The following PDPN variants were observed in gnomAD, a reference collection of about 807,000 sequenced individuals.
PDPN encodes the protein PA2.26 antigen.
In PDPN, 12 loss-of-function variants were observed where a neutral mutation model predicts 23.2. The ratio of observed to expected loss-of-function variants is 0.52; its 90% CI spans 0.33 to 0.84. PDPN has a LOEUF of 0.84. Ranked by LOEUF, PDPN falls within the 40% of genes least tolerant of loss-of-function variation. The probability of loss-of-function intolerance (pLI) is 0.02; values close to 1 mark genes in which losing one functional copy is unlikely to be tolerated. For missense variants in PDPN, 199 were observed against 212.2 expected (o/e 0.94, Z 0.39); for synonymous variants, 77 against 76.7 (o/e 1.00, Z -0.02).
chr1:13,603,977 G>A (rs1051600409), intron 1 of PDPN, among the ~76,000 whole-genome samples: 16 of 152,200 alleles, frequency 1.1e-4, no homozygotes, highest in African/African-American at 3.1e-4. Flanking sequence ...CCACTGAGCC[G>A]TGTTTGGCTG....
At chr1:13,595,162 A>G (rs71510947) in intron 1 of PDPN, among the ~76,000 whole-genome samples, 18,928 of 152,252 alleles carry the variant, frequency 0.12, 1,575 homozygotes, top group Admixed American at 0.24. Flanking sequence ...ATGAGATTTC[A>G]GTTCTTTCCC....
chr1:13,613,824 A>G (rs529098868), intron 4 of PDPN, 99 bp downstream of exon 4: 2 of 675,320 alleles, frequency 3.0e-6, no homozygotes, highest in African/African-American at 1.8e-5. Flanking sequence ...TCTGGATTGC[A>G]GTCAATGAGA....
At position 13,615,939 on chromosome 1, in the gene PDPN, A is replaced by C; in HGVS notation, c.*28A>C. ...AGCTGAAGGGTTACGCCCTGCTGCC[A>C]ACGTGCTTAAAAAAAGACCGTTTCT... is the stretch of plus-strand genomic sequence containing the variant. On this transcript the variant is annotated 3_prime_UTR_variant, in exon 6 of 6. Transcript: ENST00000621990. The C allele has an allele frequency of 6.2e-7, 1 of 1,610,336 alleles. No homozygotes were observed. The highest frequency in any genetic ancestry group is 8.5e-7 in the Non-Finnish European group (1 of 1,176,566).
chr1:13,588,332 G>A (rs1640235551), intron 1 of PDPN, among the ~76,000 whole-genome samples: 1 of 152,034 alleles, frequency 6.6e-6, no homozygotes, highest in Non-Finnish European at 1.5e-5. Flanking sequence ...CAGGAAAGGG[G>A]CATGCTAGAA....
At chr1:13,608,773 A>G (rs1038962970) in intron 2 of PDPN, among the ~76,000 whole-genome samples, 2 of 152,198 alleles carry the variant, frequency 1.3e-5, no homozygotes, top group Non-Finnish European at 2.9e-5. Flanking sequence ...TTCTTAATGC[A>G]GTTTGTCCCT....
In PDPN at chr1:13,615,913, G is replaced by C; in HGVS notation, c.*2G>C. On this transcript the variant is annotated 3_prime_UTR_variant, in exon 6 of 6. Coordinates refer to ENST00000621990, the MANE Select transcript of PDPN (RefSeq NM_006474.5). ...CTTCTCTATTTTCACAGGCCCTAAA[G>C]AGCTGAAGGGTTACGCCCTGCTGCC... is the stretch of plus-strand genomic sequence containing the variant. 1 of 1,613,522 alleles carries C rather than the reference G, an allele frequency of 6.2e-7. No individual in the cohort carries two copies. Among genetic ancestry groups the C allele is most frequent in the African/African-American group, 1.3e-5 (1 of 75,004 alleles).
chr1:13,598,814 C>T (rs537247840), intron 1 of PDPN, among the ~76,000 whole-genome samples: 2 of 152,112 alleles, frequency 1.3e-5, no homozygotes, highest in Non-Finnish European at 2.9e-5. Context: ...CAGCTACTTA[C>T]CGAGTGCCTG....
chr1:13,590,976 C>G (rs1035852015), intron 1 of PDPN, among the ~76,000 whole-genome samples: 4 of 151,828 alleles, frequency 2.6e-5, no homozygotes, highest in East Asian at 3.9e-4. Context: ...GAGTCTCGCT[C>G]TGTTGCCCAG....
intron 2 of PDPN, among the ~76,000 whole-genome samples, chr1:13,609,174 C>A (rs1055853262): frequency 6.6e-6 from 1 of 152,164 alleles, no homozygotes; most frequent in African/African-American, 2.4e-5. Context: ...AATATTTACC[C>A]ATCTGGCCCT....
rs748322864 is a variant in PDPN at position 13,615,927 on chromosome 1, C to A, written c.*16C>A. ...CAGGCCCTAAAGAGCTGAAGGGTTA[C>A]GCCCTGCTGCCAACGTGCTTAAAAA... On this transcript the variant is annotated 3_prime_UTR_variant, in exon 6 of 6. Transcript: ENST00000621990. 37 of 1,612,208 alleles carry A rather than the reference C, an allele frequency of 2.3e-5. No individual in the cohort carries two copies. The East Asian group carries it at 7.6e-4, about 33-fold the overall frequency.
intron 1 of PDPN, among the ~76,000 whole-genome samples, chr1:13,595,011 AAG>A (rs1164288099): frequency 2.0e-5 from 3 of 150,448 alleles, no homozygotes; most frequent in African/African-American, 7.3e-5. Context: ...AAAAAAAAGA[AAG>A]AAAGAAAAAA....
chr1:13,596,194 G>A (rs147345208), intron 1 of PDPN, among the ~76,000 whole-genome samples: 4,988 of 137,178 alleles, frequency 0.036, 288 homozygotes, highest in African/African-American at 0.13. Flanking sequence ...GCAAGACTCC[G>A]TCTCAAAAAA....
At chr1:13,594,075 G>A (rs919822376) in intron 1 of PDPN, among the ~76,000 whole-genome samples, 1 of 152,190 alleles carries the variant, frequency 6.6e-6, no homozygotes, top group Non-Finnish European at 1.5e-5. Flanking sequence ...CCATGTTTGT[G>A]CTTGATGAGT....
At chr1:13,610,293 T>G in intron 2 of PDPN, 94 bp from the exon 3 acceptor site, 1 of 1,053,140 alleles carries the variant, frequency 9.5e-7, no homozygotes, top group Non-Finnish European at 1.4e-6. Context: ...GTTCCATATT[T>G]TTATGCCACC....
Position 13,584,113 on chromosome 1 carries a change from G to C in PDPN, c.67+13G>C, listed in dbSNP as rs752879040. 1.2e-6 allele frequency: 2 copies of C among 1,612,198 alleles called. No individual in the cohort carries two copies. Among genetic ancestry groups the C allele is most frequent in the African/African-American group, 1.3e-5 (1 of 74,934 alleles). ...CTGGCAGAAGGAGGTAAGACCCAGC[G>C]CAAGTGGCTTCCTGCCGTCGCTGAT... On this transcript the variant is annotated intron_variant, in intron 1 of 5. Coordinates refer to ENST00000621990, the MANE Select transcript of PDPN (RefSeq NM_006474.5).
Position 13,601,580 on chromosome 1 carries a change from C to T in PDPN, c.68-5593C>T, listed in dbSNP as rs141298396. The stretch of plus-strand genomic sequence containing the variant: ...CCATGTTGGTCAGGATGGTCTCAAA[C>T]TCCTGGCCTCAGGTGATCTGCCTGC... On this transcript the variant is annotated intron_variant, in intron 1 of 5. Transcript: ENST00000621990. Among the ~76,000 whole-genome samples, 723 of 152,282 alleles carry T rather than the reference C, an allele frequency of 4.7e-3. 5 individuals are homozygous for T. The highest frequency in any genetic ancestry group is 4.6e-3 in the Non-Finnish European group (315 of 68,034).
Position 13,616,142 on chromosome 1 carries a change from A to G in PDPN, c.*231A>G. The G allele has an allele frequency of 1.8e-6, 1 of 571,244 alleles. No individual in the cohort carries two copies. The highest frequency in any genetic ancestry group is 3.1e-6 in the Non-Finnish European group (1 of 320,728). The allele number at this position is 571,244 out of a possible 1,614,324, so 35.4% of individuals were successfully genotyped here. A position where few individuals can be genotyped will look rare whatever the true frequency, so the allele number is the denominator to read the frequency against. ...AAACATGTTTTTGAATATACATTCT[A>G]TAAAAGATTATTTGAAAGACAAAAT... On this transcript the variant is annotated 3_prime_UTR_variant, in exon 6 of 6. Transcript: ENST00000621990.
chr1:13,589,053 C>T (rs1640264713), intron 1 of PDPN, among the ~76,000 whole-genome samples: 1 of 115,280 alleles, frequency 8.7e-6, no homozygotes, highest in African/African-American at 3.6e-5. Context: ...CAGTGGGGAA[C>T]AAGGCAAACC....
intron 1 of PDPN, among the ~76,000 whole-genome samples, chr1:13,603,558 A>G (rs1640704327): frequency 6.6e-6 from 1 of 151,572 alleles, no homozygotes; most frequent in East Asian, 1.9e-4. Context: ...TTATCAAATC[A>G]TCTTCTCCTA....
Sources: gnomAD v4.1 joint callset for allele counts (sites outside exome capture counted in the v4.1 genomes callset) on GRCh38, gnomAD v4.1.1 for gene constraint, MANE v1.5 for transcripts, NCBI Gene and HGNC (gene_info 2026-07-23, HGNC 2026-07-21) for gene names.